Variants in DLGAP2 observed in about 807,000 individuals in gnomAD.
The protein encoded by DLGAP2 is disks large-associated protein 2.
DLGAP2 carries 26 observed loss-of-function variants against 100.3 expected under a neutral mutation model. The observed-to-expected ratio is 0.26, with a 90% CI of 0.19 to 0.36. DLGAP2 has a LOEUF of 0.36. DLGAP2 is among the 10% of genes least tolerant of loss of function. The pLI, the probability that DLGAP2 is intolerant of heterozygous loss-of-function variation, is 1.00. For missense variants in DLGAP2, 1,858 were observed against 1,453.2 expected, an observed-to-expected ratio of 1.28 and a Z score of -4.53; for synonymous variants, 886 against 630.1, an observed-to-expected ratio of 1.41 and a Z score of -6.08.
chr8:1,408,458 C>T (rs557934602), intron 3 of DLGAP2, among the ~76,000 whole-genome samples: 4 of 152,272 alleles, frequency 2.6e-5, no homozygotes, highest in South Asian at 4.1e-4. Context: ...TCTGGGGCAC[C>T]GTGTCAAGTC....
intron 2 of DLGAP2, among the ~76,000 whole-genome samples, chr8:975,921 C>G (rs907291351): frequency 7.4e-5 from 9 of 121,396 alleles, no homozygotes; most frequent in African/African-American, 2.6e-4. Context: ...ACCTATTTCA[C>G]AGATGACGTT....
At chr8:1,386,554 G>A (rs1177316512) in intron 3 of DLGAP2, among the ~76,000 whole-genome samples, 1 of 152,226 alleles carries the variant, frequency 6.6e-6, no homozygotes, top group Non-Finnish European at 1.5e-5. Context: ...CCGGCCAGAT[G>A]TGAGAGTGGA....
intron 1 of DLGAP2, among the ~76,000 whole-genome samples, chr8:842,269 G>A (rs920331001): frequency 3.3e-5 from 5 of 152,200 alleles, no homozygotes; most frequent in South Asian, 2.1e-4. Context: ...CTCCTTGAGC[G>A]ATTGTACGTT....
chr8:1,662,757 G>A (rs891882156), intron 8 of DLGAP2, among the ~76,000 whole-genome samples: 1 of 152,250 alleles, frequency 6.6e-6, no homozygotes, highest in Non-Finnish European at 1.5e-5. Flanking sequence ...AGAGTGCCTG[G>A]CACATGTGTG....
At chr8:1,212,447 C>T (rs1174242804) in intron 2 of DLGAP2, among the ~76,000 whole-genome samples, 1 of 152,170 alleles carries the variant, frequency 6.6e-6, no homozygotes, top group Admixed American at 6.5e-5. Flanking sequence ...TGGTAGAGAT[C>T]TATTTGATGT....
At chr8:1,375,247 G>A (rs1243347221) in intron 3 of DLGAP2, among the ~76,000 whole-genome samples, 1 of 84,350 alleles carries the variant, frequency 1.2e-5, no homozygotes, top group African/African-American at 7.3e-5. Context: ...ACCTCTCCAC[G>A]ACCTCAGAAC....
chr8:814,099 T>C (rs1325761188), intron 1 of DLGAP2, among the ~76,000 whole-genome samples: 1 of 152,232 alleles, frequency 6.6e-6, no homozygotes, highest in Non-Finnish European at 1.5e-5. Context: ...GGTTTCAGAT[T>C]TCTTCTGTAA....
chr8:1,025,633 G>T (rs1294710993), intron 2 of DLGAP2, among the ~76,000 whole-genome samples: 1 of 152,092 alleles, frequency 6.6e-6, no homozygotes. Context: ...TTCCACATTT[G>T]GTCTTCTCTG....
intron 3 of DLGAP2, among the ~76,000 whole-genome samples, chr8:1,305,625 T>C (rs1800471970): frequency 6.6e-6 from 1 of 152,160 alleles, no homozygotes; most frequent in African/African-American, 2.4e-5. Context: ...TCCGGCAACC[T>C]GCCAGGATAA....
chr8:858,325 C>G (rs1007418096), intron 1 of DLGAP2, among the ~76,000 whole-genome samples: 2 of 152,242 alleles, frequency 1.3e-5, no homozygotes, highest in African/African-American at 4.8e-5. Context: ...AGAAGCCTGT[C>G]GCAAAAGGCT....
rs990860342 is a variant in DLGAP2 at position 1,681,925 on chromosome 8, C to G, written c.2704+3296C>G. 3.4e-5 allele frequency among the ~76,000 whole-genome samples: 5 copies of G among 148,032 alleles called. No individual in the cohort carries two copies. The East Asian group carries it at 7.8e-4, about 23-fold the overall frequency. ...ATCTGGGACTGGGAGTCACGGCCCT[C>G]TGACGTTGAACGCTCTGCCTTCCCA... On this transcript the variant is annotated intron_variant, in intron 12 of 14. Coordinates refer to ENST00000637795, the MANE Select transcript of DLGAP2 (RefSeq NM_001346810.2).
chr8:939,743 T>G (rs1468688653), intron 2 of DLGAP2, among the ~76,000 whole-genome samples: 18 of 39,062 alleles, frequency 4.6e-4, no homozygotes, highest in Admixed American at 1.2e-3. Flanking sequence ...TGCCTGGGAG[T>G]GGGAGGTGCA....
intron 3 of DLGAP2, among the ~76,000 whole-genome samples, chr8:1,350,765 TGAGC>T (rs1378656040): frequency 6.4e-5 from 4 of 62,016 alleles, no homozygotes; most frequent in Non-Finnish European, 6.5e-5. Context: ...GCGCGGGTCC[TGAGC>T]GTGCGTGGAA....
chr8:1,621,022 G>A (rs952496746), intron 6 of DLGAP2: 3 of 152,196 alleles, frequency 2.0e-5, no homozygotes, highest in Non-Finnish European at 4.4e-5. Flanking sequence ...TTAGCATTTT[G>A]CATTAAGAAA....
At chr8:1,391,913 G>A (rs1002795070) in intron 3 of DLGAP2, among the ~76,000 whole-genome samples, 2 of 152,238 alleles carry the variant, frequency 1.3e-5, no homozygotes, top group African/African-American at 2.4e-5. Context: ...CAACCAACAA[G>A]GGGCCATGGA....
chr8:964,723 A>G (rs948619551), intron 2 of DLGAP2, among the ~76,000 whole-genome samples: 1 of 152,044 alleles, frequency 6.6e-6, no homozygotes, highest in Non-Finnish European at 1.5e-5. Context: ...GCCTTTGGAC[A>G]TTTGCTCTCA....
chr8:1,436,219 C>T (rs551159506), intron 3 of DLGAP2, among the ~76,000 whole-genome samples: 9 of 152,316 alleles, frequency 5.9e-5, no homozygotes, highest in East Asian at 3.9e-4. Context: ...GCAGGGAAGC[C>T]GGCAGTGCAG....
chr8:1,338,954 G>T (rs1182075278), intron 3 of DLGAP2, among the ~76,000 whole-genome samples: 1 of 150,662 alleles, frequency 6.6e-6, no homozygotes, highest in South Asian at 2.1e-4. Context: ...GAGGCGTCAG[G>T]ACCTGGCAGG....
intron 2 of DLGAP2, among the ~76,000 whole-genome samples, chr8:1,130,669 C>T (rs1280902142): frequency 1.3e-5 from 2 of 152,358 alleles, no homozygotes; most frequent in East Asian, 3.9e-4. Context: ...GCAGCATCTT[C>T]GTAACCATAG....
Sources: allele counts gnomAD v4.1 joint callset (sites outside exome capture counted in the v4.1 genomes callset), GRCh38; gene constraint gnomAD v4.1.1; transcripts MANE v1.5; gene names NCBI Gene and HGNC (gene_info 2026-07-23, HGNC 2026-07-21).